Variants in WIPF1 observed in about 807,000 individuals in gnomAD.
WIPF1 encodes WAS/WASL interacting protein family member 1.
Under a neutral mutation model 35.4 loss-of-function variants are expected in WIPF1, and 13 were observed. The observed-to-expected ratio is 0.37, with a 90% CI of 0.24 to 0.58. The LOEUF is 0.58. Among genes scored for constraint, WIPF1 ranks in the 20% least tolerant of loss-of-function variants. The probability of loss-of-function intolerance (pLI) is 0.74; values close to 1 mark genes in which losing one functional copy is unlikely to be tolerated. For synonymous variants in WIPF1, 267 were observed against 266.3 expected (o/e 1.00, Z -0.02); for missense variants, 591 against 667.0 (o/e 0.89, Z 1.25).
intron 1 of WIPF1, among the ~76,000 whole-genome samples, chr2:174,655,347 C>T (rs181795166): frequency 2.6e-4 from 40 of 152,294 alleles, no homozygotes; most frequent in African/African-American, 8.9e-4. Context: ...ATTATGACCA[C>T]TCTGAGAGGC....
intron 1 of WIPF1, among the ~76,000 whole-genome samples, chr2:174,652,089 G>C (rs558194303): frequency 1.6e-4 from 24 of 152,300 alleles, no homozygotes; most frequent in Admixed American, 7.8e-4. Context: ...CAATGAACGA[G>C]GCAGAAGTAT....
At position 174,622,508 on chromosome 2, in the gene WIPF1, GA is replaced by G. The variant is rs2105917262; in HGVS notation, c.-38-36898del. On this transcript the variant is annotated intron_variant, in intron 1 of 8. Transcript: ENST00000272746. This position sits in a 1 kb window ranked among gnomAD's most constrained non-coding sequence, Gnocchi z 5.1. ...ACCTGTGGTATGATTATCAAACTTT[GA>G]AAACACTGTTCTTGGGGAAGGGAAA... Among the ~76,000 whole-genome samples, 1 of 152,218 alleles carries G rather than the reference GA, an allele frequency of 6.6e-6. No individual in the cohort carries two copies. The highest frequency in any genetic ancestry group is 1.9e-4 in the East Asian group (1 of 5,182).
In WIPF1 at chr2:174,571,127, C is replaced by T. The variant is rs1179848740; in HGVS notation, c.1129+549G>A. The T allele has an allele frequency of 1.1e-5, 2 of 177,596 alleles. No homozygotes were observed. The highest frequency in any genetic ancestry group is 2.4e-5 in the African/African-American group (1 of 41,644). 11.0% of individuals were successfully genotyped at this position (177,596 alleles called of 1,614,324 possible). A position where few individuals can be genotyped will look rare whatever the true frequency, so the allele number is the denominator to read the frequency against. Reference sequence around the variant, plus strand: ...AGATAGTCTATACCTTTATTTGATTCTCCAAGGGATTTATGTACCAGAGAT... The same window carrying T: ...AGATAGTCTATACCTTTATTTGATTTTCCAAGGGATTTATGTACCAGAGAT... On this transcript the variant is annotated intron_variant, in intron 5 of 7. Transcript: ENST00000679041. The surrounding 1 kb of genome is among the most constrained non-coding windows in gnomAD (Gnocchi z 4.6).
intron 2 of WIPF1, among the ~76,000 whole-genome samples, chr2:174,584,736 A>G (rs973762914): frequency 1.3e-5 from 2 of 151,980 alleles, no homozygotes; most frequent in African/African-American, 2.4e-5. Context: ...ACATGGTGAA[A>G]CCCCGTCCAT....
intron 1 of WIPF1, among the ~76,000 whole-genome samples, chr2:174,595,486 A>G (rs1293990473): frequency 2.0e-5 from 3 of 152,080 alleles, no homozygotes; most frequent in Non-Finnish European, 4.4e-5. Flanking sequence ...GCACCTACTT[A>G]GTAGGGTTAT....
intron 1 of WIPF1, among the ~76,000 whole-genome samples, chr2:174,679,467 C>CA (rs202032725): frequency 0.021 from 2,210 of 107,486 alleles, 42 homozygotes; most frequent in African/African-American, 0.052. Context: ...AAATTTGTCT[C>CA]AAAAAAAAAA....
At chr2:174,592,502 G>T (rs1018180949) in intron 1 of WIPF1, among the ~76,000 whole-genome samples, 1 of 152,036 alleles carries the variant, frequency 6.6e-6, no homozygotes, top group African/African-American at 2.4e-5. Flanking sequence ...TTATTTGCTG[G>T]GGGTGGGGGA....
chr2:174,593,687 T>A (rs1685702920), intron 1 of WIPF1, among the ~76,000 whole-genome samples: 1 of 152,232 alleles, frequency 6.6e-6, no homozygotes, highest in Non-Finnish European at 1.5e-5. Flanking sequence ...TAAACCACAG[T>A]CATCCTGTTT....
At position 174,571,214 on chromosome 2, in the gene WIPF1, A is replaced by C. The variant is rs1375550802; in HGVS notation, c.1129+462T>G. 3.7e-6 allele frequency: 1 copy of C among 267,094 alleles called. No individual in the cohort carries two copies. The highest frequency in any genetic ancestry group is 7.1e-6 in the Non-Finnish European group (1 of 140,754). 16.5% of individuals were successfully genotyped at this position (267,094 alleles called of 1,614,324 possible). ...TTAATGAATAGGGAAATGGCCTCAA[A>C]GCCTGGCGAATGAAGAGAGAAGTAC... On this transcript the variant is annotated intron_variant, in intron 5 of 7. Transcript: ENST00000679041. This position sits in a 1 kb window ranked among gnomAD's most constrained non-coding sequence, Gnocchi z 4.6.
At chr2:174,597,852 T>A (rs534263476), upstream of WIPF1, 1 of 152,524 alleles carries the variant, frequency 6.6e-6, no homozygotes, top group Non-Finnish European at 1.5e-5. Flanking sequence ...TGTTCCTTCC[T>A]CCTTTGCTGC....
intron 1 of WIPF1, among the ~76,000 whole-genome samples, chr2:174,620,375 C>T (rs777951289): frequency 1.8e-4 from 27 of 151,950 alleles, no homozygotes; most frequent in Non-Finnish European, 8.8e-5. Flanking sequence ...CCATTGTTAC[C>T]GGGGTGAAAG....
intron 5 of WIPF1, among the ~76,000 whole-genome samples, chr2:174,570,159 G>A (rs1167677090): frequency 6.6e-6 from 1 of 152,160 alleles, no homozygotes; most frequent in Non-Finnish European, 1.5e-5. Context: ...AATAAATCAA[G>A]GTACATTTGT....
chr2:174,580,916 C>T (rs1685217273), intron 3 of WIPF1, among the ~76,000 whole-genome samples: 1 of 152,078 alleles, frequency 6.6e-6, no homozygotes, highest in African/African-American at 2.4e-5. Context: ...ATGAAGAAAA[C>T]AAGGCTTGGA....
chr2:174,607,015 C>G (rs1419394350), intron 1 of WIPF1, among the ~76,000 whole-genome samples: 2 of 152,152 alleles, frequency 1.3e-5, no homozygotes, highest in Non-Finnish European at 2.9e-5. Flanking sequence ...CAATGAGAGG[C>G]AGGGAAGGAA....
chr2:174,561,906 C>A lies in WIPF1; in HGVS notation c.*641G>T. ...AGTACCAAAAAATAATATAAAATATCTCATTAAAATTTTATGTTGATTACA... is the reference window on the plus strand; with the variant it reads ...AGTACCAAAAAATAATATAAAATATATCATTAAAATTTTATGTTGATTACA... On this transcript the variant is annotated 3_prime_UTR_variant, in exon 8 of 8. Transcript: ENST00000679041. 2.8e-6 allele frequency: 2 copies of A among 710,062 alleles called. No homozygotes were observed. The highest frequency in any genetic ancestry group is 4.5e-6 in the Non-Finnish European group (2 of 446,910). The allele number at this position is 710,062 out of a possible 1,614,324, so 44.0% of individuals were successfully genotyped here. A position where few individuals can be genotyped will look rare whatever the true frequency, so the allele number is the denominator to read the frequency against.
At chr2:174,563,809 A>G (rs1244595231) in intron 7 of WIPF1, among the ~76,000 whole-genome samples, 3 of 152,174 alleles carry the variant, frequency 2.0e-5, no homozygotes, top group Non-Finnish European at 4.4e-5. Context: ...GAACTGGCAG[A>G]TTCCTCAAGT....
intron 1 of WIPF1, among the ~76,000 whole-genome samples, chr2:174,647,584 G>A (rs1687437322): frequency 2.0e-5 from 3 of 151,146 alleles, no homozygotes; most frequent in African/African-American, 7.3e-5. Context: ...ATGTTGGTCA[G>A]GCTAGTCTTG....
At chr2:174,668,419 T>C (rs140740124) in intron 1 of WIPF1, among the ~76,000 whole-genome samples, 1 of 152,080 alleles carries the variant, frequency 6.6e-6, no homozygotes, top group East Asian at 1.9e-4. Flanking sequence ...GAAAAAAGGG[T>C]GTGCATTTTT....
In WIPF1 at chr2:174,679,330, G is replaced by A. The variant is rs151105314; in HGVS notation, c.-39+3444C>T. Among the ~76,000 whole-genome samples the A allele has an allele frequency of 4.9e-3, 750 of 152,142 alleles. 4 individuals carry two copies. Among genetic ancestry groups the A allele is most frequent in the Middle Eastern group, 0.017 (5 of 294 alleles). ...CTAAAAATACAAAAATTAGCCGGGCGTGGTGCACACTCCTGTAATCCCAGC... is the reference window on the plus strand; with the variant it reads ...CTAAAAATACAAAAATTAGCCGGGCATGGTGCACACTCCTGTAATCCCAGC... On this transcript the variant is annotated intron_variant, in intron 1 of 8. Transcript: ENST00000272746.
Sources: allele counts gnomAD v4.1 joint callset (sites outside exome capture counted in the v4.1 genomes callset), GRCh38; gene constraint gnomAD v4.1.1; non-coding constraint Gnocchi (gnomAD v3.1); transcripts MANE v1.5; gene names NCBI Gene and HGNC (gene_info 2026-07-23, HGNC 2026-07-21).